Variants in ELOVL6 observed in about 807,000 individuals in gnomAD.
ELOVL6 encodes very long chain fatty acid elongase 6.
Under a neutral mutation model 31.7 loss-of-function variants are expected in ELOVL6, and 8 were observed. The ratio of observed to expected loss-of-function variants is 0.25; its 90% confidence interval spans 0.15 to 0.45. The LOEUF is 0.45. Ranked by LOEUF, ELOVL6 falls within the 20% of genes least tolerant of loss-of-function variation. The pLI, the probability that ELOVL6 is intolerant of heterozygous loss-of-function variation, is 1.00. For missense variants in ELOVL6, 126 were observed against 326.4 expected (o/e 0.39, Z 4.73); for synonymous variants, 101 against 117.7 (o/e 0.86, Z 0.92).
At chr4:110,175,198 C>G (rs1020450764) in intron 1 of ELOVL6, among the ~76,000 whole-genome samples, 4 of 151,950 alleles carry the variant, frequency 2.6e-5, no homozygotes, top group Admixed American at 2.0e-4. Flanking sequence ...AGCCAGCCAA[C>G]ACGGCGAAAC....
intron 2 of ELOVL6, among the ~76,000 whole-genome samples, chr4:110,095,498 AG>A (rs397830404): frequency 1.3e-5 from 2 of 150,666 alleles, no homozygotes; most frequent in African/African-American, 4.9e-5. Context: ...AAAAAAAAAA[AG>A]GCATGAAATT....
At chr4:110,057,761 G>T (rs1479057619) in intron 3 of ELOVL6, among the ~76,000 whole-genome samples, 1 of 148,440 alleles carries the variant, frequency 6.7e-6, no homozygotes, top group African/African-American at 2.5e-5. Context: ...TGAGGCACGA[G>T]AATTGTTTGA....
intron 1 of ELOVL6, among the ~76,000 whole-genome samples, chr4:110,179,974 A>T (rs1288093828): frequency 6.6e-6 from 1 of 152,226 alleles, no homozygotes; most frequent in East Asian, 1.9e-4. Context: ...ATTGCTGGGG[A>T]AAAAGGAGTC....
chr4:110,103,335 T>A (rs1225541735), intron 2 of ELOVL6, among the ~76,000 whole-genome samples: 1 of 151,994 alleles, frequency 6.6e-6, no homozygotes, highest in Non-Finnish European at 1.5e-5. Flanking sequence ...TCAAAAGGAA[T>A]AGCAATGGAC....
intron 1 of ELOVL6, among the ~76,000 whole-genome samples, chr4:110,124,400 T>C (rs868524935): frequency 2.0e-5 from 3 of 152,170 alleles, no homozygotes; most frequent in South Asian, 4.1e-4. Context: ...ATCATGTCCT[T>C]TGCAGGGACA....
At chr4:110,170,116 A>T (rs1201785179) in intron 1 of ELOVL6, among the ~76,000 whole-genome samples, 2 of 152,084 alleles carry the variant, frequency 1.3e-5, no homozygotes, top group African/African-American at 4.8e-5. Flanking sequence ...AGCCCAGCCT[A>T]TATTTTGTTT....
chr4:110,158,466 A>C (rs1331429876), intron 1 of ELOVL6, among the ~76,000 whole-genome samples: 1 of 151,506 alleles, frequency 6.6e-6, no homozygotes, highest in African/African-American at 2.4e-5. Flanking sequence ...ACACTCATTA[A>C]CATTTTTCTG....
In ELOVL6 at chr4:110,119,821, G is replaced by C. The variant is rs186434358; in HGVS notation, c.90-14193C>G. The stretch of plus-strand genomic sequence containing the variant: ...GCTCCCATTTCTTCATAAAGTGAAA[G>C]GGAACTTTATTCTTACAAGTTTCTC... On this transcript the variant is annotated intron_variant, in intron 1 of 3. Coordinates refer to ENST00000302274, the MANE Select transcript of ELOVL6 (RefSeq NM_024090.3). Among the ~76,000 whole-genome samples, 410 of 152,234 alleles carry C rather than the reference G, an allele frequency of 2.7e-3. 3 individuals carry two copies. The highest frequency in any genetic ancestry group is 9.5e-3 in the African/African-American group (396 of 41,532).
intron 2 of ELOVL6, among the ~76,000 whole-genome samples, chr4:110,101,953 CA>C (rs906827602): frequency 6.6e-6 from 1 of 152,072 alleles, no homozygotes; most frequent in Non-Finnish European, 1.5e-5. Flanking sequence ...TTTTGCCCCC[CA>C]AAAAGTAAAA....
intron 1 of ELOVL6, among the ~76,000 whole-genome samples, chr4:110,169,341 T>C (rs1758875889): frequency 6.7e-6 from 1 of 150,184 alleles, no homozygotes; most frequent in African/African-American, 2.4e-5. Flanking sequence ...TGGGTTCAAG[T>C]GATTCTCCTG....
chr4:110,175,594 T>C (rs1336978165), intron 1 of ELOVL6, among the ~76,000 whole-genome samples: 1 of 152,222 alleles, frequency 6.6e-6, no homozygotes, highest in Non-Finnish European at 1.5e-5. Flanking sequence ...TTAATCAATA[T>C]AACAACTCTT....
intron 1 of ELOVL6, among the ~76,000 whole-genome samples, chr4:110,171,588 G>A (rs1758946743): frequency 1.3e-5 from 2 of 151,852 alleles, no homozygotes; most frequent in Non-Finnish European, 2.9e-5. Context: ...TTACTGGAGG[G>A]TGGTGCACGT....
chr4:110,136,678 T>G (rs1757822498), intron 1 of ELOVL6, among the ~76,000 whole-genome samples: 2 of 152,194 alleles, frequency 1.3e-5, no homozygotes, highest in South Asian at 4.1e-4. Flanking sequence ...AAATAACTGG[T>G]GCAAGGTGAG....
At chr4:110,065,183 A>G (rs774998059) in intron 2 of ELOVL6, among the ~76,000 whole-genome samples, 3 of 152,228 alleles carry the variant, frequency 2.0e-5, no homozygotes, top group Non-Finnish European at 4.4e-5. Context: ...TTTCCTTTGG[A>G]TATTTACATA....
intron 1 of ELOVL6, among the ~76,000 whole-genome samples, chr4:110,129,891 ATT>A (rs371838858): frequency 6.4e-5 from 6 of 93,528 alleles, no homozygotes; most frequent in Admixed American, 4.2e-4. Flanking sequence ...ATCCAATCCA[ATT>A]TTTTTTTTTT....
At chr4:110,093,067 T>A in intron 2 of ELOVL6, 1 of 444,694 alleles carries the variant, frequency 2.2e-6, no homozygotes, top group South Asian at 1.6e-5. Context: ...GCTATTTAAA[T>A]ACTATCCCAT....
chr4:110,186,621 T>C (rs921393455), intron 1 of ELOVL6, among the ~76,000 whole-genome samples: 1 of 151,388 alleles, frequency 6.6e-6, no homozygotes, highest in African/African-American at 2.4e-5. Context: ...CTGGCCAACA[T>C]GGTAAAACCC....
In ELOVL6 at chr4:110,094,436, T is replaced by TAA. The variant is rs1299683630; in HGVS notation, c.221+11060_221+11061insTT. On this transcript the variant is annotated intron_variant, in intron 2 of 3. Coordinates refer to ENST00000302274, the MANE Select transcript of ELOVL6 (RefSeq NM_024090.3). ...ATATATATATATATATATATATATA[T>TAA]ATATATAATATATATAACATAATAT... Among the ~76,000 whole-genome samples, 12 of 56,450 alleles carry TAA rather than the reference T, an allele frequency of 2.1e-4. No individual in the cohort carries two copies. The South Asian group carries it at 2.3e-3, about 11-fold the overall frequency. The allele number at this position is 56,450 out of a possible 152,430, so 37.0% of individuals were successfully genotyped here.
intron 1 of ELOVL6, among the ~76,000 whole-genome samples, chr4:110,190,971 A>T (rs1170041868): frequency 6.6e-6 from 1 of 151,558 alleles, no homozygotes; most frequent in East Asian, 1.9e-4. Flanking sequence ...GGTGCGTACC[A>T]CCATGACCAG....
Sources: allele counts gnomAD v4.1 joint callset (sites outside exome capture counted in the v4.1 genomes callset), GRCh38; gene constraint gnomAD v4.1.1; transcripts MANE v1.5; gene names NCBI Gene and HGNC (gene_info 2026-07-23, HGNC 2026-07-21).